The following ZFYVE28 variants were observed in gnomAD, a reference collection of about 807,000 sequenced individuals.
ZFYVE28 encodes the protein lateral signaling target protein 2 homolog.
In ZFYVE28, 40 loss-of-function variants were observed where a neutral mutation model predicts 82.1. The observed-to-expected ratio is 0.49, with a 90% confidence interval of 0.38 to 0.63. ZFYVE28 has a LOEUF of 0.63. ZFYVE28 is among the 30% of genes least tolerant of loss of function. ZFYVE28 has a pLI of 0.00. For synonymous variants in ZFYVE28, 612 were observed against 546.1 expected, an observed-to-expected ratio of 1.12 and a Z score of -1.68; for missense variants, 1,321 against 1,242.1, an observed-to-expected ratio of 1.06 and a Z score of -0.96.
intron 1 of ZFYVE28, among the ~76,000 whole-genome samples, chr4:2,405,528 A>G (rs1287999277): frequency 6.6e-6 from 1 of 152,226 alleles, no homozygotes. Context: ...GCAGGCAGCC[A>G]CATGGCCGAG....
intron 1 of ZFYVE28, among the ~76,000 whole-genome samples, chr4:2,384,924 G>A (rs1729096332): frequency 6.6e-6 from 1 of 152,064 alleles, no homozygotes; most frequent in Non-Finnish European, 1.5e-5. Flanking sequence ...TGGGGGGAGG[G>A]GAGTGTAGGG....
rs745817292 is a variant in ZFYVE28, at chr4:2,305,251, G to GGGC, written c.1086_1088dup (p.Pro363dup). 1 of 1,612,526 alleles carries GGGC rather than the reference G, an allele frequency of 6.2e-7. No individual in the cohort carries two copies. The highest frequency in any genetic ancestry group is 2.2e-5 in the East Asian group (1 of 44,862). ...TGTGAGCTGGGGACTGGCAGGCAAT[G>GGGC]GGCGGTGAAAGCAAAGAGGACATCT... On this transcript the variant is annotated inframe_insertion, in exon 8 of 13. Coordinates refer to ENST00000290974, the MANE Select transcript of ZFYVE28 (RefSeq NM_020972.3).
At chr4:2,376,072 A>G (rs1324685694) in intron 1 of ZFYVE28, among the ~76,000 whole-genome samples, 1 of 151,734 alleles carries the variant, frequency 6.6e-6, no homozygotes, top group Admixed American at 6.6e-5. Context: ...ACGAGGTTTC[A>G]CCATGTTGGC....
At chr4:2,401,691 G>T (rs1731196376) in intron 1 of ZFYVE28, among the ~76,000 whole-genome samples, 1 of 152,156 alleles carries the variant, frequency 6.6e-6, no homozygotes, top group Non-Finnish European at 1.5e-5. Flanking sequence ...GTGCCTCCTT[G>T]CGGTCCCCTC....
rs544049305 is a variant in ZFYVE28, at chr4:2,304,500, G to A, written c.1840C>T (p.Pro614Ser). ...DRAPERQEEAPPPSEDASNGR... is the reference protein window; with the variant it reads ...DRAPERQEEASPPSEDASNGR... ...TTGGAGGCATCTTCTGAGGGTGGGG[G>A]CGCCTCCTCCTGTCTCTCAGGGGCC... The change falls in exon 8 of 13, where the codon CCC becomes TCC. Residue 614 changes from proline to serine, a missense_variant. Pro to Ser is a moderately conservative substitution (Grantham distance 74). Around this residue, in one of 2 missense-constraint regions of ZFYVE28, gnomAD observed 978 missense variants for 833.7 expected, o/e 1.17. Coordinates refer to ENST00000290974, the MANE Select transcript of ZFYVE28 (RefSeq NM_020972.3). 5.0e-6 allele frequency: 8 copies of A among 1,612,764 alleles called. No individual in the cohort carries two copies. Among genetic ancestry groups the A allele is most frequent in the East Asian group, 2.2e-5 (1 of 44,870 alleles).
intron 2 of ZFYVE28, among the ~76,000 whole-genome samples, chr4:2,348,569 T>A (rs1434841838): frequency 6.6e-6 from 1 of 152,200 alleles, no homozygotes; most frequent in Non-Finnish European, 1.5e-5. Flanking sequence ...AAAAGGATAA[T>A]GTACCATGAA....
intron 10 of ZFYVE28, 93 bp from the exon 11 acceptor site, chr4:2,271,872 C>T (rs1249235795): frequency 8.2e-7 from 1 of 1,213,024 alleles, no homozygotes; most frequent in Non-Finnish European, 1.2e-6. Context: ...TGGGGGCTTC[C>T]AGCAGTCGGT....
rs574137408 is a variant in ZFYVE28 at position 2,319,527 on chromosome 4, G to A, written c.803+643C>T. Among the ~76,000 whole-genome samples the A allele has an allele frequency of 8.5e-5, 13 of 152,266 alleles. No individual in the cohort carries two copies. In the South Asian group the frequency reaches 1.2e-3, roughly 15 times the overall value. On this transcript the variant is annotated intron_variant, in intron 7 of 12. Coordinates refer to ENST00000290974, the MANE Select transcript of ZFYVE28 (RefSeq NM_020972.3). Reference sequence around the variant, plus strand: ...AACCTGGTTGCAGTGATCAGGGGCCGTGGTAGGAAATACCAAGCTGTCCCA... The same window carrying A: ...AACCTGGTTGCAGTGATCAGGGGCCATGGTAGGAAATACCAAGCTGTCCCA...
In ZFYVE28 at chr4:2,335,857, C is replaced by T. The variant is rs1721604201; in HGVS notation, c.612-63G>A. 1.4e-6 allele frequency: 2 copies of T among 1,423,660 alleles called. No individual in the cohort carries two copies. The highest frequency in any genetic ancestry group is 1.9e-6 in the Non-Finnish European group (2 of 1,034,260). 88.2% of individuals were successfully genotyped at this position (1,423,660 alleles called of 1,614,324 possible). A position where few individuals can be genotyped will look rare whatever the true frequency, so the allele number is the denominator to read the frequency against. On this transcript the variant is annotated intron_variant, in intron 5 of 12. Transcript: ENST00000290974. The surrounding 1 kb of genome is among the most constrained non-coding windows in gnomAD (Gnocchi z 5.8). Reference sequence around the variant, plus strand: ...GGCCCACCACAGCCACAGGTTGGACCCCAGCAGGGACAGGCAGTGCGCTCA... The same window carrying T: ...GGCCCACCACAGCCACAGGTTGGACTCCAGCAGGGACAGGCAGTGCGCTCA...
At chr4:2,387,192 C>T (rs1396394545) in intron 1 of ZFYVE28, among the ~76,000 whole-genome samples, 1 of 152,160 alleles carries the variant, frequency 6.6e-6, no homozygotes, top group African/African-American at 2.4e-5. Flanking sequence ...CCTAGGGTCC[C>T]CCAAGGCTCC....
chr4:2,371,275 C>T (rs1464383578), intron 1 of ZFYVE28, among the ~76,000 whole-genome samples: 1 of 152,194 alleles, frequency 6.6e-6, no homozygotes, highest in African/African-American at 2.4e-5. Context: ...CTCCCTGGCA[C>T]ATTCTTCTTT....
rs112440350 is a variant in ZFYVE28 at position 2,339,394 on chromosome 4, G to A, written c.521+59C>T. 7,767 of 1,549,738 alleles carry A rather than the reference G, an allele frequency of 5.0e-3. 219 individuals are homozygous for A. The African/African-American group carries it at 0.069, about 14-fold the overall frequency. ...TGAAGTATCAGGGTGAGCCCCGGAAGCTGGCACAACCGTCCCCCAGCTCAT... is the reference window on the plus strand; with the variant it reads ...TGAAGTATCAGGGTGAGCCCCGGAAACTGGCACAACCGTCCCCCAGCTCAT... On this transcript the variant is annotated intron_variant, in intron 4 of 12. Transcript: ENST00000290974. This position sits in a 1 kb window ranked among gnomAD's most constrained non-coding sequence, Gnocchi z 5.0.
chr4:2,330,403 A>T, intron 6 of ZFYVE28: 1 of 1,032,052 alleles, frequency 9.7e-7, no homozygotes, highest in Non-Finnish European at 1.2e-6. Context: ...GACAGTGCAG[A>T]GGAGAGGACA....
At chr4:2,397,908 TGC>T (rs1199409808) in intron 1 of ZFYVE28, among the ~76,000 whole-genome samples, 13 of 152,084 alleles carry the variant, frequency 8.5e-5, no homozygotes, top group African/African-American at 3.1e-4. Context: ...CTACAGGATG[TGC>T]GGAAGGATGT....
At chr4:2,355,078 A>G (rs1725038215) in intron 1 of ZFYVE28, among the ~76,000 whole-genome samples, 1 of 150,900 alleles carries the variant, frequency 6.6e-6, no homozygotes, top group Non-Finnish European at 1.5e-5. Flanking sequence ...CGCACACAGC[A>G]CGGCCACCGT....
chr4:2,394,750 G>A lies in ZFYVE28; in HGVS notation c.39+23535C>T, dbSNP rs1178511369. Among the ~76,000 whole-genome samples the A allele has an allele frequency of 2.6e-5, 4 of 152,250 alleles. No individual in the cohort carries two copies. Among genetic ancestry groups the A allele is most frequent in the African/African-American group, 7.2e-5 (3 of 41,462 alleles). On this transcript the variant is annotated intron_variant, in intron 1 of 12. Transcript: ENST00000290974. The surrounding 1 kb of genome is among the most constrained non-coding windows in gnomAD (Gnocchi z 4.0). ...CAGCTGCATCGATGCCTGACTGCAC[G>A]TGTGCGTGCTTCCATTACACTGTCG...
intron 1 of ZFYVE28, among the ~76,000 whole-genome samples, chr4:2,400,922 T>C (rs561944240): frequency 3.3e-5 from 5 of 152,252 alleles, no homozygotes; most frequent in Admixed American, 3.3e-4. Flanking sequence ...TCCAATCCAA[T>C]CAGGTTGGCA....
intron 1 of ZFYVE28, among the ~76,000 whole-genome samples, chr4:2,401,209 C>G (rs1482280774): frequency 6.6e-6 from 1 of 152,228 alleles, no homozygotes; most frequent in African/African-American, 2.4e-5. Context: ...AGTGGAGGCA[C>G]TGACACTGCA....
At position 2,377,220 on chromosome 4, in the gene ZFYVE28, G is replaced by A. The variant is rs531829833; in HGVS notation, c.40-23147C>T. On this transcript the variant is annotated intron_variant, in intron 1 of 12. Coordinates refer to ENST00000290974, the MANE Select transcript of ZFYVE28 (RefSeq NM_020972.3). ...GTATTTTTAGTACAGACAGGGTTTT[G>A]CCGTGTTAGCCAGGATGGTCTCGAT... Among the ~76,000 whole-genome samples, 667 of 152,024 alleles carry A rather than the reference G, an allele frequency of 4.4e-3. 6 individuals carry two copies. Among genetic ancestry groups the A allele is most frequent in the African/African-American group, 0.015 (602 of 41,486 alleles).
Sources: allele counts gnomAD v4.1 joint callset (sites outside exome capture counted in the v4.1 genomes callset), GRCh38; gene constraint gnomAD v4.1.1; regional missense constraint gnomAD v4.1.1; non-coding constraint Gnocchi (gnomAD v3.1); transcripts MANE v1.5; gene names NCBI Gene and HGNC (gene_info 2026-07-23, HGNC 2026-07-21).